Variants in ELAC2 observed in about 807,000 individuals in gnomAD.
ELAC2 encodes the protein elaC ribonuclease Z 2.
In ELAC2, 92 loss-of-function variants were observed where a neutral mutation model predicts 105.2. The observed-to-expected ratio is 0.87, with a 90% CI of 0.74 to 1.04. ELAC2 has a LOEUF of 1.04. Among genes scored for constraint, ELAC2 ranks in the 50% least tolerant of loss-of-function variants. ELAC2 has a pLI of 0.00. For missense variants in ELAC2, 1,099 were observed against 1,071.7 expected (o/e 1.03, Z -0.36); for synonymous variants, 468 against 409.1 (o/e 1.14, Z -1.74).
At chr17:13,003,445 G>A in intron 12 of ELAC2, 34 bp downstream of exon 12, 2 of 1,600,156 alleles carry the variant, frequency 1.2e-6, no homozygotes, top group Non-Finnish European at 1.7e-6. Context: ...GCCCAGAAGA[G>A]TTACCCCAAG....
chr17:13,007,072 C>T (rs2143634839), intron 8 of ELAC2, among the ~76,000 whole-genome samples: 1 of 151,142 alleles, frequency 6.6e-6, no homozygotes, highest in African/African-American at 2.4e-5. Context: ...GATCGTGCCA[C>T]TGCACTCCAG....
intron 1 of ELAC2, 101 bp from the exon 2 acceptor site, chr17:13,017,222 GAAA>G: frequency 9.0e-7 from 1 of 1,105,200 alleles, no homozygotes; most frequent in Non-Finnish European, 1.3e-6. Context: ...AAAAAAAAAA[GAAA>G]AAAAAATTAA....
rs1178957212 is a variant in ELAC2, at chr17:13,017,119, T to C, written c.248A>G (p.Tyr83Cys). ...ALYVFSEFNRYLFNCGEGVQR... is the reference protein window; with the variant it reads ...ALYVFSEFNRCLFNCGEGVQR... ...AACGCCTTCTCCACAGTTGAAGAGA[T>C]ACCTACAAGACAAACATTACACAAG... Residue 83 changes from tyrosine to cysteine, a missense_variant and splice_region_variant, in exon 2 of 24, where the codon TAT becomes TGT. Transcript: ENST00000338034. 2.5e-6 allele frequency: 4 copies of C among 1,613,252 alleles called. No homozygotes were observed. Among genetic ancestry groups the C allele is most frequent in the East Asian group, 2.2e-5 (1 of 44,858 alleles).
At chr17:13,011,182 A>C (rs1458080497) in intron 7 of ELAC2, among the ~76,000 whole-genome samples, 1 of 152,130 alleles carries the variant, frequency 6.6e-6, no homozygotes, top group South Asian at 2.1e-4. Context: ...TAAGGACAAC[A>C]AACTCCCGAA....
chr17:13,000,005 T>C (rs182877348), intron 15 of ELAC2, 151 bp downstream of exon 15: 4 of 721,530 alleles, frequency 5.5e-6, no homozygotes, highest in East Asian at 2.7e-5. Flanking sequence ...CCAATGACTA[T>C]AATTCTAATG....
At chr17:13,005,891 G>A (rs2143627317) in intron 9 of ELAC2, 30 bp downstream of exon 9, 1 of 1,614,114 alleles carries the variant, frequency 6.2e-7, no homozygotes, top group Non-Finnish European at 8.5e-7. Flanking sequence ...TACCCAGTGA[G>A]TCCCCAGAAG....
rs1471869946 is a variant in ELAC2, at chr17:12,992,263, G to GCTGA, written c.*551_*554dup. ...TCCAGAGGTGCTCACTACGACGGGAGCTGACTTCTTCCAAGCCACCCGGGT... is the reference window on the plus strand; with the variant it reads ...TCCAGAGGTGCTCACTACGACGGGAGCTGACTGACTTCTTCCAAGCCACCCGGGT... On this transcript the variant is annotated 3_prime_UTR_variant, in exon 24 of 24. Coordinates refer to ENST00000338034, the MANE Select transcript of ELAC2 (RefSeq NM_018127.7). 5 of 241,126 alleles carry GCTGA rather than the reference G, an allele frequency of 2.1e-5. No homozygotes were observed. Among genetic ancestry groups the GCTGA allele is most frequent in the East Asian group, 1.2e-4 (2 of 16,970 alleles). 14.9% of individuals were successfully genotyped at this position (241,126 alleles called of 1,614,324 possible). A position where few individuals can be genotyped will look rare whatever the true frequency, so the allele number is the denominator to read the frequency against.
intron 23 of ELAC2, 102 bp from the exon 24 acceptor site, chr17:12,993,147 G>A (rs767100578): frequency 1.9e-5 from 24 of 1,238,222 alleles, no homozygotes; most frequent in East Asian, 9.4e-5. Context: ...CAGCGCCAAC[G>A]CCCCTTCCTT....
chr17:13,015,751 T>G lies in ELAC2; in HGVS notation c.432+17A>C. 6.2e-7 allele frequency: 1 copy of G among 1,607,162 alleles called. No individual in the cohort carries two copies. ...AAGGAAAGATTGCTTTTGAAAGATG[T>G]GTCAGGAAAGACTCACCAGTTGTGG... On this transcript the variant is annotated intron_variant, in intron 4 of 23. Transcript: ENST00000338034.
At chr17:13,014,325 T>C in intron 5 of ELAC2, 114 bp downstream of exon 5, 2 of 789,340 alleles carry the variant, frequency 2.5e-6, no homozygotes. Context: ...CTCGTGGTGA[T>C]GAAGCATTTG....
chr17:13,007,616 G>A (rs1173999662), intron 8 of ELAC2, among the ~76,000 whole-genome samples: 2 of 152,202 alleles, frequency 1.3e-5, no homozygotes, highest in Non-Finnish European at 2.9e-5. Context: ...AGTGGCTCAC[G>A]CCTGTAATCC....
Position 13,010,662 on chromosome 17 carries a change from T to C in ELAC2, c.689A>G (p.Gln230Arg), listed in dbSNP as rs749370984. The C allele has an allele frequency of 5.6e-6, 9 of 1,614,122 alleles. No homozygotes were observed. The highest frequency in any genetic ancestry group is 1.1e-5 in the South Asian group (1 of 91,090). The change falls in exon 8 of 24, where the codon CAG (glutamine) becomes CGG (arginine). Residue 230 changes from glutamine (Q) to arginine (R), a missense_variant. Coordinates refer to ENST00000338034, the MANE Select transcript of ELAC2 (RefSeq NM_018127.7). ...NEPHLPHGVS[Q>R]RRGVRDSSLV... ...GGAAGAGTCCCTGACCCCTCTTCTC[T>C]GGCTAACACCTGAGGAAAAACACAC...
At chr17:13,001,956 T>C (rs978921853) in intron 14 of ELAC2, among the ~76,000 whole-genome samples, 5 of 152,236 alleles carry the variant, frequency 3.3e-5, no homozygotes, top group African/African-American at 7.2e-5. Context: ...CTATTTTCTA[T>C]ACTGTGAAAC....
chr17:13,002,417 C>T (rs1470655215), intron 13 of ELAC2, 24 bp downstream of exon 13: 1 of 1,613,950 alleles, frequency 6.2e-7, no homozygotes, highest in Admixed American at 1.7e-5. Flanking sequence ...GCTGGGCCGA[C>T]AAGGGGCCGG....
intron 18 of ELAC2, 29 bp downstream of exon 18, chr17:12,995,911 T>G (rs556844011): frequency 6.3e-7 from 1 of 1,588,770 alleles, no homozygotes; most frequent in African/African-American, 1.3e-5. Flanking sequence ...CCGCTGAAAC[T>G]CAGAACGCCC....
chr17:13,006,507 T>G (rs934532925), intron 8 of ELAC2: 6 of 165,754 alleles, frequency 3.6e-5, no homozygotes, highest in African/African-American at 1.4e-4. Flanking sequence ...CAAAATGACT[T>G]AAATCAGTGT....
chr17:13,013,190 C>T lies in ELAC2; in HGVS notation c.559+17G>A. Reference sequence around the variant, plus strand: ...GACGTACACCCTCCTCCTGGGAAACCTGGCTTTCATACTCACTGTGTATGG... The same window carrying T: ...GACGTACACCCTCCTCCTGGGAAACTTGGCTTTCATACTCACTGTGTATGG... On this transcript the variant is annotated intron_variant, in intron 6 of 23. Coordinates refer to ENST00000338034, the MANE Select transcript of ELAC2 (RefSeq NM_018127.7). 2 of 1,614,132 alleles carry T rather than the reference C, an allele frequency of 1.2e-6. No individual in the cohort carries two copies.
intron 8 of ELAC2, among the ~76,000 whole-genome samples, chr17:13,009,467 A>G (rs1003279521): frequency 5.3e-5 from 8 of 152,226 alleles, no homozygotes; most frequent in African/African-American, 1.9e-4. Context: ...TATTGTAACA[A>G]AAATTTTTAA....
At chr17:13,005,665 G>T (rs995607287) in intron 10 of ELAC2, 88 bp downstream of exon 10, 2 of 1,335,990 alleles carry the variant, frequency 1.5e-6, no homozygotes, top group Non-Finnish European at 2.2e-6. Context: ...TTCAAAAGTG[G>T]TGTCTGTAGG....
Sources: gnomAD v4.1 joint callset for allele counts (sites outside exome capture counted in the v4.1 genomes callset) on GRCh38, gnomAD v4.1.1 for gene constraint, MANE v1.5 for transcripts, NCBI Gene and HGNC (gene_info 2026-07-23, HGNC 2026-07-21) for gene names.